The following FBXO42 variants were observed in gnomAD, a reference collection of about 807,000 sequenced individuals.
The protein encoded by FBXO42 is F-box only protein 42.
FBXO42 carries 12 observed loss-of-function variants against 71.7 expected under a neutral mutation model. The observed-to-expected ratio is 0.17, with a 90% CI of 0.11 to 0.27. The LOEUF (loss-of-function observed/expected upper bound fraction) is 0.27, where lower values mean the gene tolerates loss of function less well. Among genes scored for constraint, FBXO42 ranks in the 10% least tolerant of loss-of-function variants. The pLI, the probability that FBXO42 is intolerant of heterozygous loss-of-function variation, is 1.00. For missense variants in FBXO42, 707 were observed against 911.9 expected (o/e 0.78, Z 2.89); for synonymous variants, 325 against 327.5 (o/e 0.99, Z 0.08).
chr1:16,287,543 G>A (rs938447542), intron 4 of FBXO42, among the ~76,000 whole-genome samples: 1 of 152,166 alleles, frequency 6.6e-6, no homozygotes, highest in African/African-American at 2.4e-5. Flanking sequence ...ATGAACAAGT[G>A]AAGGATGAGA....
intron 1 of FBXO42, among the ~76,000 whole-genome samples, chr1:16,335,766 C>G (rs1256207067): frequency 6.7e-6 from 1 of 150,326 alleles, no homozygotes. Flanking sequence ...ACTAAGGAGG[C>G]TGAGGCAGGA....
rs2081605988 is a variant in FBXO42 at position 16,252,779 on chromosome 1, C to T, written c.921+317G>A. Among the ~76,000 whole-genome samples the T allele has an allele frequency of 6.6e-6, 1 of 152,150 alleles. No homozygotes were observed. Among genetic ancestry groups the T allele is most frequent in the African/African-American group, 2.4e-5 (1 of 41,430 alleles). On this transcript the variant is annotated intron_variant, in intron 8 of 9. Transcript: ENST00000375592. The surrounding 1 kb of genome is among the most constrained non-coding windows in gnomAD (Gnocchi z 4.4). ...GTGAACTCTGACAGTTATCAACCTG[C>T]TTTTTTGTTCCACTGCCCTCTCCCC...
intron 4 of FBXO42, among the ~76,000 whole-genome samples, chr1:16,280,430 G>A (rs1240436451): frequency 6.6e-6 from 1 of 152,166 alleles, no homozygotes; most frequent in Non-Finnish European, 1.5e-5. Flanking sequence ...GTTAAAGAAA[G>A]AAATCAGAAA....
chr1:16,320,906 T>C (rs1002852681), intron 1 of FBXO42, among the ~76,000 whole-genome samples: 4 of 152,166 alleles, frequency 2.6e-5, no homozygotes, highest in Non-Finnish European at 4.4e-5. Flanking sequence ...TTTGGCTGCA[T>C]GGTTGACATT....
At chr1:16,303,121 A>C (rs967874188) in intron 3 of FBXO42, among the ~76,000 whole-genome samples, 1 of 152,240 alleles carries the variant, frequency 6.6e-6, no homozygotes, top group Non-Finnish European at 1.5e-5. Flanking sequence ...AGACATAACA[A>C]GGAGGTTCAT....
At chr1:16,291,666 G>C (rs978468425) in intron 4 of FBXO42, among the ~76,000 whole-genome samples, 8 of 152,034 alleles carry the variant, frequency 5.3e-5, no homozygotes, top group Non-Finnish European at 1.0e-4. Context: ...GTAAGCGAGA[G>C]CCACCAAGCC....
intron 4 of FBXO42, among the ~76,000 whole-genome samples, chr1:16,282,859 TA>T (rs1379211035): frequency 1.3e-5 from 2 of 151,834 alleles, no homozygotes; most frequent in African/African-American, 4.8e-5. Context: ...TGGGTGCCTG[TA>T]ATCCCAGCTA....
At chr1:16,315,999 C>T (rs1030874756) in intron 1 of FBXO42, among the ~76,000 whole-genome samples, 1 of 151,616 alleles carries the variant, frequency 6.6e-6, no homozygotes, top group African/African-American at 2.4e-5. Context: ...GGAGAAACCC[C>T]GTCTCTACTA....
At chr1:16,310,350 G>A (rs1470309130) in intron 2 of FBXO42, among the ~76,000 whole-genome samples, 1 of 151,840 alleles carries the variant, frequency 6.6e-6, no homozygotes, top group Non-Finnish European at 1.5e-5. Context: ...GATGGAGTGA[G>A]GTTCCATCTG....
In FBXO42 at chr1:16,294,551, C is replaced by T. The variant is rs868222243; in HGVS notation, c.502+232G>A. The T allele has an allele frequency of 2.1e-4, 103 of 495,092 alleles. 1 individual carries two copies. In the Middle Eastern group the frequency reaches 2.2e-3, roughly 11 times the overall value. 30.7% of individuals were successfully genotyped at this position (495,092 alleles called of 1,614,324 possible). The stretch of plus-strand genomic sequence containing the variant: ...AGAAAACCATGCAAATGAATTCACA[C>T]AGCAGTACAGCAATTTTGGCAGGGC... On this transcript the variant is annotated intron_variant, in intron 4 of 9. Transcript: ENST00000375592.
chr1:16,340,715 T>C (rs2082596682), intron 1 of FBXO42, among the ~76,000 whole-genome samples: 1 of 152,226 alleles, frequency 6.6e-6, no homozygotes, highest in Admixed American at 6.5e-5. Flanking sequence ...TACAATGCTT[T>C]ATACACTTTA....
At position 16,284,348 on chromosome 1, in the gene FBXO42, C is replaced by G. The variant is rs375840250; in HGVS notation, c.502+10435G>C. On this transcript the variant is annotated intron_variant, in intron 4 of 9. Coordinates refer to ENST00000375592, the MANE Select transcript of FBXO42 (RefSeq NM_018994.3). ...GCATCTACCCACTCACCAGCACCTG[C>G]AATCACATATTCCCTTTTGTTCATA... Among the ~76,000 whole-genome samples, 8 of 152,326 alleles carry G rather than the reference C, an allele frequency of 5.3e-5. No individual in the cohort carries two copies. In the South Asian group the frequency reaches 1.0e-3, roughly 20 times the overall value.
chr1:16,303,180 A>G (rs1378181843), intron 3 of FBXO42, among the ~76,000 whole-genome samples: 1 of 152,198 alleles, frequency 6.6e-6, no homozygotes, highest in Non-Finnish European at 1.5e-5. Context: ...TCAGGCTGAA[A>G]AGGCAAGCCA....
At chr1:16,302,537 T>A (rs955230120) in intron 3 of FBXO42, among the ~76,000 whole-genome samples, 1 of 151,896 alleles carries the variant, frequency 6.6e-6, no homozygotes, top group Non-Finnish European at 1.5e-5. Context: ...TGAAACGGAG[T>A]CTCGCTCTGT....
chr1:16,303,573 T>TC (rs2082218871), intron 3 of FBXO42, among the ~76,000 whole-genome samples: 1 of 151,864 alleles, frequency 6.6e-6, no homozygotes, highest in South Asian at 2.1e-4. Flanking sequence ...AGATAATTTT[T>TC]TTTTTTTTTT....
chr1:16,255,175 G>A (rs1258927472), intron 6 of FBXO42, among the ~76,000 whole-genome samples: 1 of 152,130 alleles, frequency 6.6e-6, no homozygotes, highest in Non-Finnish European at 1.5e-5. Context: ...TGATCCTACT[G>A]AATAGAACCA....
intron 2 of FBXO42, among the ~76,000 whole-genome samples, chr1:16,306,442 T>G (rs1169198686): frequency 2.0e-5 from 3 of 152,170 alleles, no homozygotes; most frequent in Non-Finnish European, 4.4e-5. Context: ...TAGGTGACAT[T>G]AAAAATTACA....
intron 2 of FBXO42, among the ~76,000 whole-genome samples, chr1:16,310,887 T>C (rs2082305582): frequency 6.6e-6 from 1 of 151,414 alleles, no homozygotes; most frequent in African/African-American, 2.4e-5. Flanking sequence ...TGCCAGGAAA[T>C]TGCTTGAACC....
intron 3 of FBXO42, among the ~76,000 whole-genome samples, chr1:16,303,190 A>C (rs556884418): frequency 9.2e-5 from 14 of 152,344 alleles, no homozygotes; most frequent in Admixed American, 7.9e-4. Context: ...AAGGCAAGCC[A>C]GGTCCTTGAA....
Sources: allele counts gnomAD v4.1 joint callset (sites outside exome capture counted in the v4.1 genomes callset), GRCh38; gene constraint gnomAD v4.1.1; non-coding constraint Gnocchi (gnomAD v3.1); transcripts MANE v1.5; gene names NCBI Gene and HGNC (gene_info 2026-07-23, HGNC 2026-07-21).